The following FAF1 variants were observed in gnomAD, a reference collection of about 807,000 sequenced individuals.
FAF1 encodes FAS-associated factor 1.
FAF1 carries 25 observed loss-of-function variants against 92.5 expected under a neutral mutation model. That is an observed-to-expected ratio of 0.27 (90% confidence interval 0.20 to 0.38). The LOEUF (loss-of-function observed/expected upper bound fraction) is 0.38. Ranked by LOEUF, FAF1 falls within the 10% of genes least tolerant of loss-of-function variation. The probability of loss-of-function intolerance (pLI) is 1.00; values close to 1 mark genes in which losing one functional copy is unlikely to be tolerated. For synonymous variants in FAF1, 234 were observed against 273.2 expected (o/e 0.86, Z 1.42); for missense variants, 636 against 793.3 (o/e 0.80, Z 2.38).
intron 18 of FAF1, among the ~76,000 whole-genome samples, chr1:50,472,897 GAGA>G (rs1210172970): frequency 2.0e-5 from 3 of 152,150 alleles, no homozygotes; most frequent in Non-Finnish European, 2.9e-5. Context: ...AGAGAATTCA[GAGA>G]AGAATGAAGG....
chr1:50,771,115 A>G (rs1168373591), intron 4 of FAF1, among the ~76,000 whole-genome samples: 1 of 152,232 alleles, frequency 6.6e-6, no homozygotes, highest in Non-Finnish European at 1.5e-5. Context: ...GATGGATTAA[A>G]GACTCAAATG....
intron 9 of FAF1, among the ~76,000 whole-genome samples, 169 bp downstream of exon 9, chr1:50,595,952 A>C (rs1056040205): frequency 6.6e-6 from 1 of 152,236 alleles, no homozygotes; most frequent in African/African-American, 2.4e-5. Flanking sequence ...GGAGCACATT[A>C]GTAGTAACCT....
intron 6 of FAF1, among the ~76,000 whole-genome samples, chr1:50,730,174 C>T (rs1197732528): frequency 6.6e-6 from 1 of 151,962 alleles, no homozygotes; most frequent in East Asian, 1.9e-4. Context: ...TCTTTTTGTA[C>T]TCATTTTAGT....
At chr1:50,549,090 C>T (rs1649167800) in intron 13 of FAF1, among the ~76,000 whole-genome samples, 1 of 152,180 alleles carries the variant, frequency 6.6e-6, no homozygotes, top group African/African-American at 2.4e-5. Context: ...ATCTCAGACT[C>T]AGATCACTAA....
chr1:50,956,025 G>T (rs1455464887), intron 1 of FAF1, among the ~76,000 whole-genome samples: 2 of 152,176 alleles, frequency 1.3e-5, no homozygotes, highest in Non-Finnish European at 2.9e-5. Flanking sequence ...AATAAGTACG[G>T]TAACAGATTT....
At chr1:50,827,164 C>T (rs191238103) in intron 2 of FAF1, among the ~76,000 whole-genome samples, 113 of 152,074 alleles carry the variant, frequency 7.4e-4, no homozygotes, top group African/African-American at 2.1e-3. Flanking sequence ...GCCATGATGA[C>T]GATGGCGGTT....
intron 8 of FAF1, among the ~76,000 whole-genome samples, chr1:50,615,348 T>C (rs146069603): frequency 3.3e-5 from 5 of 152,310 alleles, no homozygotes; most frequent in African/African-American, 1.2e-4. Flanking sequence ...AAGTGTCATT[T>C]TGGTACAATA....
chr1:50,500,108 C>T (rs1232984861), intron 15 of FAF1, among the ~76,000 whole-genome samples: 1 of 152,080 alleles, frequency 6.6e-6, no homozygotes, highest in Admixed American at 6.6e-5. Context: ...TCTACAGATT[C>T]AACATAATTC....
intron 6 of FAF1, among the ~76,000 whole-genome samples, chr1:50,708,312 T>C (rs1383833715): frequency 6.6e-6 from 1 of 152,008 alleles, no homozygotes; most frequent in Non-Finnish European, 1.5e-5. Context: ...TCAGAATATA[T>C]TTTAGAGGTG....
chr1:50,533,541 T>C (rs1467936289), intron 15 of FAF1, among the ~76,000 whole-genome samples: 1 of 152,218 alleles, frequency 6.6e-6, no homozygotes, highest in Non-Finnish European at 1.5e-5. Context: ...GGTATGACTC[T>C]TGCTCTCAGT....
At chr1:50,836,681 A>G (rs1228478857) in intron 2 of FAF1, among the ~76,000 whole-genome samples, 3 of 152,192 alleles carry the variant, frequency 2.0e-5, no homozygotes, top group Non-Finnish European at 4.4e-5. Flanking sequence ...CATTTCTTTC[A>G]CATTTGAAGG....
intron 4 of FAF1, among the ~76,000 whole-genome samples, chr1:50,786,433 G>A (rs35491793): frequency 0.066 from 10,031 of 152,272 alleles, 461 homozygotes; most frequent in Non-Finnish European, 0.1. Flanking sequence ...TAGAATGGCA[G>A]TTGCCAGGAG....
At chr1:50,614,839 C>CAA (rs1295301237) in intron 8 of FAF1, among the ~76,000 whole-genome samples, 12 of 46,572 alleles carry the variant, frequency 2.6e-4, no homozygotes, top group East Asian at 6.8e-4. Flanking sequence ...AACTCCGTCT[C>CAA]AAAAAAAAAA....
chr1:50,734,748 A>G (rs1371566195), intron 6 of FAF1, among the ~76,000 whole-genome samples: 1 of 151,388 alleles, frequency 6.6e-6, no homozygotes, highest in Non-Finnish European at 1.5e-5. Context: ...AAAAAAAAAA[A>G]GAAAAAGAAA....
chr1:50,957,283 T>C (rs988211356), intron 1 of FAF1, among the ~76,000 whole-genome samples: 1 of 152,012 alleles, frequency 6.6e-6, no homozygotes, highest in African/African-American at 2.4e-5. Context: ...GTGTATAGCA[T>C]TACCATTGGT....
At chr1:50,954,160 G>C (rs1054876684) in intron 1 of FAF1, among the ~76,000 whole-genome samples, 1 of 152,068 alleles carries the variant, frequency 6.6e-6, no homozygotes, top group African/African-American at 2.4e-5. Context: ...TGTTAGCCAG[G>C]ATGGTCTCAA....
intron 1 of FAF1, among the ~76,000 whole-genome samples, chr1:50,918,303 T>C (rs1322748230): frequency 8.2e-6 from 1 of 121,594 alleles, no homozygotes; most frequent in African/African-American, 3.2e-5. Context: ...TAACGTGTCA[T>C]CTAGCATTAG....
chr1:50,891,833 C>T (rs139009691), intron 1 of FAF1, among the ~76,000 whole-genome samples: 1,951 of 152,288 alleles, frequency 0.013, 37 homozygotes, highest in African/African-American at 0.043. Context: ...GCAGTCTGTC[C>T]GTTCTCAGAT....
At chr1:50,579,685 A>T (rs1017391399) in intron 12 of FAF1, among the ~76,000 whole-genome samples, 9 of 152,184 alleles carry the variant, frequency 5.9e-5, no homozygotes, top group Admixed American at 5.9e-4. Context: ...TCACAAGGAA[A>T]CAATCACACA....
Sources: gnomAD v4.1 joint callset for allele counts (sites outside exome capture counted in the v4.1 genomes callset) on GRCh38, gnomAD v4.1.1 for gene constraint, MANE v1.5 for transcripts, NCBI Gene and HGNC (gene_info 2026-07-23, HGNC 2026-07-21) for gene names.